The following ERO1A variants were observed in gnomAD, a reference collection of about 807,000 sequenced individuals.
The protein encoded by ERO1A is ERO1-like protein alpha.
Under a neutral mutation model 76.9 loss-of-function variants are expected in ERO1A, and 49 were observed. The observed-to-expected ratio is 0.64, with a 90% confidence interval of 0.51 to 0.81. The LOEUF (loss-of-function observed/expected upper bound fraction) is 0.81. Ranked by LOEUF, ERO1A falls within the 30% of genes least tolerant of loss-of-function variation. ERO1A has a pLI of 0.00. For missense variants in ERO1A, 448 were observed against 542.1 expected (o/e 0.83, Z 1.72); for synonymous variants, 174 against 181.2 (o/e 0.96, Z 0.32).
intron 1 of ERO1A, among the ~76,000 whole-genome samples, chr14:52,685,887 T>A (rs1051556323): frequency 6.6e-6 from 1 of 152,164 alleles, no homozygotes; most frequent in African/African-American, 2.4e-5. Context: ...AAGTATAAAA[T>A]CCTTGAGTGA....
At chr14:52,686,782 G>A (rs189648243) in intron 1 of ERO1A, among the ~76,000 whole-genome samples, 28 of 152,128 alleles carry the variant, frequency 1.8e-4, no homozygotes, top group Admixed American at 5.2e-4. Flanking sequence ...GGCTGAGGCC[G>A]GAGAATCGCT....
rs906666742 is a variant in ERO1A, at chr14:52,678,585, A to AT, written c.319-114dup. The AT allele has an allele frequency of 7.9e-6, 7 of 891,478 alleles. No homozygotes were observed. In the African/African-American group the frequency reaches 1.0e-4, roughly 13 times the overall value. The allele number at this position is 891,478 out of a possible 1,614,324, so 55.2% of individuals were successfully genotyped here. On this transcript the variant is annotated intron_variant, in intron 3 of 15. Transcript: ENST00000395686. Reference sequence around the variant, plus strand: ...TCATATAACAAATTATCGAAGTTGGATTTTTTAACAGAATAGGTAGTATTC... The same window carrying AT: ...TCATATAACAAATTATCGAAGTTGGATTTTTTTAACAGAATAGGTAGTATTC...
At position 52,666,486 on chromosome 14, in the gene ERO1A, G is replaced by A. The variant is rs1312362576; in HGVS notation, c.518C>T (p.Ser173Phe). The change falls in exon 7 of 16, where the codon TCC becomes TTC. Residue 173 changes from serine to phenylalanine, a missense_variant. This residue lies in a region of ERO1A where 302 missense variants were observed against 411.9 expected (regional missense o/e 0.73). Coordinates refer to ENST00000395686, the MANE Select transcript of ERO1A (RefSeq NM_014584.3). ...DNFCEADDIQSPEAEYVDLLL... is the reference protein window; with the variant it reads ...DNFCEADDIQFPEAEYVDLLL... ...CAAATCTACATATTCAGCTTCAGGG[G>A]ACTGAATGTCTGTAAAATAAAATGT... 2 of 1,605,208 alleles carry A rather than the reference G, an allele frequency of 1.2e-6. No homozygotes were observed. The highest frequency in any genetic ancestry group is 1.1e-5 in the South Asian group (1 of 88,778).
intron 1 of ERO1A, 30 bp downstream of exon 1, chr14:52,695,338 A>G: frequency 4.4e-6 from 6 of 1,354,420 alleles, no homozygotes; most frequent in Non-Finnish European, 5.8e-6. Context: ...GGGCGCCGGG[A>G]CCCTCAGCAC....
At chr14:52,675,401 G>A (rs2040751281) in intron 4 of ERO1A, among the ~76,000 whole-genome samples, 1 of 151,666 alleles carries the variant, frequency 6.6e-6, no homozygotes, top group African/African-American at 2.4e-5. Flanking sequence ...AAAAAAAGGT[G>A]GTGGAATCTA....
Position 52,671,717 on chromosome 14 carries a change from A to G in ERO1A, c.435-14T>C, listed in dbSNP as rs769428876. On this transcript the variant is annotated splice_polypyrimidine_tract_variant and intron_variant, in intron 5 of 15. Transcript: ENST00000395686. ...TGTGTTTCCTCACTTCAAACAAAGA[A>G]AAAAAATAACATTATTATTTTTAAG... The G allele has an allele frequency of 2.5e-6, 4 of 1,591,508 alleles. No individual in the cohort carries two copies. The South Asian group carries it at 4.6e-5, about 18-fold the overall frequency.
At chr14:52,669,408 TA>T (rs111416921) in intron 6 of ERO1A, among the ~76,000 whole-genome samples, 10 of 149,774 alleles carry the variant, frequency 6.7e-5, no homozygotes, top group Admixed American at 2.0e-4. Context: ...ATATTTAAGG[TA>T]AAAAAAAAAT....
At chr14:52,650,849 G>A (rs73293086) in intron 13 of ERO1A, among the ~76,000 whole-genome samples, 1,814 of 152,252 alleles carry the variant, frequency 0.012, 28 homozygotes, top group African/African-American at 0.041. Context: ...CTCAGAGATG[G>A]TCTTGCCTGA....
At chr14:52,664,502 G>A (rs1020703174) in intron 7 of ERO1A, among the ~76,000 whole-genome samples, 16 of 152,100 alleles carry the variant, frequency 1.1e-4, no homozygotes, top group Non-Finnish European at 7.4e-5. Context: ...CAAAACTGGA[G>A]ACATTTTGAG....
intron 1 of ERO1A, among the ~76,000 whole-genome samples, chr14:52,688,746 C>T (rs1335411783): frequency 5.3e-5 from 8 of 152,184 alleles, no homozygotes; most frequent in Admixed American, 4.6e-4. Context: ...TCTCTGTTGA[C>T]TCTGTTTGAT....
Position 52,665,029 on chromosome 14 carries a change from T to C in ERO1A, c.630-1182A>G, listed in dbSNP as rs190787848. ...GCCTGTAATCCCAGCACTTTGGGCA[T>C]GGTGGCTCACCCCTGTAATCCCAGC... is the stretch of plus-strand genomic sequence containing the variant. On this transcript the variant is annotated intron_variant, in intron 7 of 15. Coordinates refer to ENST00000395686, the MANE Select transcript of ERO1A (RefSeq NM_014584.3). 3.1e-3 allele frequency among the ~76,000 whole-genome samples: 469 copies of C among 150,508 alleles called. 1 individual carries two copies. Among genetic ancestry groups the C allele is most frequent in the Non-Finnish European group, 5.0e-3 (337 of 67,872 alleles).
At position 52,643,650 on chromosome 14, in the gene ERO1A, C is replaced by G. The variant is rs150277321; in HGVS notation, c.1347-20G>C. On this transcript the variant is annotated intron_variant, in intron 15 of 15. Transcript: ENST00000395686. The stretch of plus-strand genomic sequence containing the variant: ...GAAATTCTGTAACCAAAAAATATTT[C>G]ACTCAGAAACCATCTTAGATAAATT... The G allele has an allele frequency of 1.5e-6, 2 of 1,313,268 alleles. 1 individual carries two copies. Among genetic ancestry groups the G allele is most frequent in the South Asian group, 3.0e-5 (2 of 65,996 alleles). The allele number at this position is 1,313,268 out of a possible 1,614,324, so 81.4% of individuals were successfully genotyped here. A position where few individuals can be genotyped will look rare whatever the true frequency, so the allele number is the denominator to read the frequency against.
Position 52,695,488 on chromosome 14 carries a change from TC to T in ERO1A, c.-8del. On this transcript the variant is annotated 5_prime_UTR_variant, in exon 1 of 16. Transcript: ENST00000395686. ...ATCCCCAGCCGCGGCCCATTGCAGC[TC>T]CGGCAGCTTGTCGCCCCACGCTTGG... is the stretch of plus-strand genomic sequence containing the variant. 1 of 1,491,462 alleles carries T rather than the reference TC, an allele frequency of 6.7e-7. No individual in the cohort carries two copies. The highest frequency in any genetic ancestry group is 9.0e-7 in the Non-Finnish European group (1 of 1,114,944). 92.4% of individuals were successfully genotyped at this position (1,491,462 alleles called of 1,614,324 possible).
intron 7 of ERO1A, 45 bp from the exon 8 acceptor site, chr14:52,663,892 A>C (rs1440523492): frequency 1.8e-6 from 2 of 1,117,436 alleles, no homozygotes; most frequent in Non-Finnish European, 1.3e-6. Flanking sequence ...ATATGTTACC[A>C]ATCATGTTAT....
chr14:52,658,427 C>A, intron 9 of ERO1A: 1 of 288,044 alleles, frequency 3.5e-6, no homozygotes. Context: ...TACAGGAGGT[C>A]AAAATACAGA....
chr14:52,690,690 G>C, intron 1 of ERO1A, among the ~76,000 whole-genome samples: 1 of 152,092 alleles, frequency 6.6e-6, no homozygotes, highest in East Asian at 1.9e-4. Context: ...GACAAAGTGA[G>C]ACTCTGTCTC....
At chr14:52,680,829 C>A (rs980507531) in intron 3 of ERO1A, among the ~76,000 whole-genome samples, 3 of 152,188 alleles carry the variant, frequency 2.0e-5, no homozygotes, top group African/African-American at 7.2e-5. Context: ...TTCTCATTCT[C>A]ATGGTAAAAT....
intron 11 of ERO1A, among the ~76,000 whole-genome samples, chr14:52,656,121 A>G (rs1322924582): frequency 6.6e-6 from 1 of 152,132 alleles, no homozygotes; most frequent in Non-Finnish European, 1.5e-5. Context: ...TTTTTTGATC[A>G]ACATCTTTTC....
rs2039655830 is a variant in ERO1A at position 52,646,368 on chromosome 14, T to C, written c.1212+7A>G. On this transcript the variant is annotated splice_region_variant and intron_variant, in intron 14 of 15. Coordinates refer to ENST00000395686, the MANE Select transcript of ERO1A (RefSeq NM_014584.3). ...AATGAGAAATAGGAATGACTAAATT[T>C]GCTTACCTGAAGCTTTCCCCACAGA... The C allele has an allele frequency of 6.2e-7, 1 of 1,608,724 alleles. No individual in the cohort carries two copies. The highest frequency in any genetic ancestry group is 1.3e-5 in the African/African-American group (1 of 74,438).
Sources: allele counts gnomAD v4.1 joint callset (sites outside exome capture counted in the v4.1 genomes callset), GRCh38; gene constraint gnomAD v4.1.1; regional missense constraint gnomAD v4.1.1; transcripts MANE v1.5; gene names NCBI Gene and HGNC (gene_info 2026-07-23, HGNC 2026-07-21).